The following ZNRF2 variants were observed in gnomAD, a reference collection of about 807,000 sequenced individuals.
ZNRF2 encodes zinc and ring finger 2, also known as E3 ubiquitin-protein ligase ZNRF2.
In ZNRF2, 16 loss-of-function variants were observed where a neutral mutation model predicts 20.4. That is an observed-to-expected ratio of 0.79 (90% CI 0.53 to 1.19). The LOEUF (loss-of-function observed/expected upper bound fraction) is 1.19, where lower values mean the gene tolerates loss of function less well. ZNRF2 is among the 50% of genes most tolerant of loss of function. The probability of loss-of-function intolerance (pLI) is 0.00; values close to 1 mark genes in which losing one functional copy is unlikely to be tolerated. For synonymous variants in ZNRF2, 178 were observed against 144.9 expected, an observed-to-expected ratio of 1.23 and a Z score of -1.64; for missense variants, 363 against 332.4, an observed-to-expected ratio of 1.09 and a Z score of -0.72.
intron 1 of ZNRF2, among the ~76,000 whole-genome samples, chr7:30,292,476 G>A (rs1403055157): frequency 1.3e-5 from 2 of 152,080 alleles, no homozygotes; most frequent in African/African-American, 4.8e-5. Flanking sequence ...GCTTTTAGGG[G>A]CCTTATTATT....
intron 3 of ZNRF2, among the ~76,000 whole-genome samples, chr7:30,357,779 C>T (rs1036797576): frequency 6.6e-6 from 1 of 152,040 alleles, no homozygotes; most frequent in African/African-American, 2.4e-5. Context: ...CCAAAGAACA[C>T]CATGCTAACA....
rs535112079 is a variant in ZNRF2 at position 30,336,532 on chromosome 7, T to C, written c.565+12795T>C. ...GAAAGTATTAATAATGAAAGTATTGTAGGCATAGAGATGTTTTTCTTATAG... is the reference window on the plus strand; with the variant it reads ...GAAAGTATTAATAATGAAAGTATTGCAGGCATAGAGATGTTTTTCTTATAG... On this transcript the variant is annotated intron_variant, in intron 2 of 4. Coordinates refer to ENST00000323037, the MANE Select transcript of ZNRF2 (RefSeq NM_147128.4). 2.0e-5 allele frequency among the ~76,000 whole-genome samples: 3 copies of C among 152,322 alleles called. No individual in the cohort carries two copies. The East Asian group carries it at 5.8e-4, about 29-fold the overall frequency.
chr7:30,295,223 C>T (rs1798999765), intron 1 of ZNRF2, among the ~76,000 whole-genome samples: 1 of 152,042 alleles, frequency 6.6e-6, no homozygotes, highest in Non-Finnish European at 1.5e-5. Context: ...CTTTCTCTAC[C>T]TCCAGCAGAA....
intron 2 of ZNRF2, among the ~76,000 whole-genome samples, chr7:30,355,443 T>C (rs1048040952): frequency 2.0e-5 from 3 of 152,202 alleles, no homozygotes; most frequent in South Asian, 2.1e-4. Context: ...GATAAAGTTA[T>C]AGAGCAAAAT....
intron 3 of ZNRF2, among the ~76,000 whole-genome samples, chr7:30,361,064 CAG>C (rs1800118874): frequency 6.6e-6 from 1 of 152,154 alleles, no homozygotes; most frequent in African/African-American, 2.4e-5. Context: ...CATGATGAGC[CAG>C]AGTTACCTGG....
At chr7:30,315,018 A>G (rs921146733) in intron 1 of ZNRF2, among the ~76,000 whole-genome samples, 7 of 151,974 alleles carry the variant, frequency 4.6e-5, no homozygotes, top group Admixed American at 4.6e-4. Context: ...GGGTTTCACC[A>G]TGTTAGCCAG....
At chr7:30,315,748 T>C (rs1281852426) in intron 1 of ZNRF2, among the ~76,000 whole-genome samples, 1 of 122,282 alleles carries the variant, frequency 8.2e-6, no homozygotes, top group Admixed American at 9.1e-5. Flanking sequence ...GGGTTGGGTA[T>C]AAAGACGCCT....
chr7:30,322,658 C>G (rs907226990), intron 1 of ZNRF2, among the ~76,000 whole-genome samples: 14 of 145,080 alleles, frequency 9.6e-5, no homozygotes, highest in Non-Finnish European at 7.7e-5. Context: ...GTTTCTTAAT[C>G]ATATTTCCAA....
intron 2 of ZNRF2, among the ~76,000 whole-genome samples, chr7:30,335,650 C>A (rs1282801545): frequency 6.6e-6 from 1 of 151,716 alleles, no homozygotes; most frequent in Non-Finnish European, 1.5e-5. Context: ...GAAAGGGAGG[C>A]CACGTTTAGA....
rs2128052738 is a variant in ZNRF2, at chr7:30,285,042, C to CT, written c.-316_-315insT. On this transcript the variant is annotated 5_prime_UTR_variant, in exon 1 of 5. An upstream open reading frame in the 5' UTR gains an earlier in-frame stop. Coordinates refer to ENST00000323037, the MANE Select transcript of ZNRF2 (RefSeq NM_147128.4). ...CGTCGTGGCGCACCAGAACCGAAAC[C>CT]AGCGGCAGCCGCACGGCCACTTGAG... is the stretch of plus-strand genomic sequence containing the variant. 1 of 406,636 alleles carries CT rather than the reference C, an allele frequency of 2.5e-6. No homozygotes were observed. Among genetic ancestry groups the CT allele is most frequent in the African/African-American group, 2.2e-5 (1 of 45,806 alleles). 25.2% of individuals were successfully genotyped at this position (406,636 alleles called of 1,614,324 possible).
At chr7:30,327,533 A>T (rs1466124677) in intron 2 of ZNRF2, among the ~76,000 whole-genome samples, 1 of 152,156 alleles carries the variant, frequency 6.6e-6, no homozygotes, top group South Asian at 2.1e-4. Context: ...GAACTAATAT[A>T]TAACCTTCTG....
At chr7:30,310,557 A>C (rs1285880000) in intron 1 of ZNRF2, among the ~76,000 whole-genome samples, 1 of 152,184 alleles carries the variant, frequency 6.6e-6, no homozygotes, top group African/African-American at 2.4e-5. Flanking sequence ...GTGGGCACTG[A>C]AATTTGAATT....
At chr7:30,309,873 T>C (rs79359942) in intron 1 of ZNRF2, among the ~76,000 whole-genome samples, 5,247 of 152,278 alleles carry the variant, frequency 0.034, 145 homozygotes, top group Middle Eastern at 0.065. Context: ...GTATGGAAGA[T>C]AAATGAGGCT....
At position 30,366,005 on chromosome 7, in the gene ZNRF2, A is replaced by G. The variant is rs560031279; in HGVS notation, c.*23-30A>G. On this transcript the variant is annotated intron_variant, in intron 4 of 4. Coordinates refer to ENST00000323037, the MANE Select transcript of ZNRF2 (RefSeq NM_147128.4). ...ATGAAGACTTACAGTAACTAAAGCA[A>G]TGTTCATGGGGAAATCTATTTTTAC... The G allele has an allele frequency of 5.9e-5, 9 of 152,310 alleles. No individual in the cohort carries two copies. The South Asian group carries it at 8.3e-4, about 14-fold the overall frequency. 9.4% of individuals were successfully genotyped at this position (152,310 alleles called of 1,614,324 possible). A position where few individuals can be genotyped will look rare whatever the true frequency, so the allele number is the denominator to read the frequency against.
At chr7:30,356,699 ATTTTTTTTTTT>A (rs139265962) in intron 3 of ZNRF2, among the ~76,000 whole-genome samples, 12 of 73,228 alleles carry the variant, frequency 1.6e-4, no homozygotes, top group Non-Finnish European at 2.4e-4. Context: ...ATAACATTGT[ATTTTTTTTTTT>A]TTTTTTTTTT....
chr7:30,331,663 A>G (rs1011438441), intron 2 of ZNRF2, among the ~76,000 whole-genome samples: 3 of 152,202 alleles, frequency 2.0e-5, no homozygotes, highest in African/African-American at 7.2e-5. Context: ...GGAGAACCTT[A>G]TAGAATTGCT....
intron 1 of ZNRF2, among the ~76,000 whole-genome samples, chr7:30,303,352 C>A (rs575301702): frequency 6.6e-6 from 1 of 152,096 alleles, no homozygotes; most frequent in Non-Finnish European, 1.5e-5. Context: ...AATTTGACCC[C>A]TTTTTAAAAT....
intron 1 of ZNRF2, among the ~76,000 whole-genome samples, chr7:30,312,570 G>C (rs1357805681): frequency 6.6e-6 from 1 of 152,064 alleles, no homozygotes; most frequent in Admixed American, 6.6e-5. Context: ...GGATATATTT[G>C]TTCATTCACC....
intron 2 of ZNRF2, among the ~76,000 whole-genome samples, chr7:30,330,314 A>G (rs1404971372): frequency 6.6e-6 from 1 of 151,988 alleles, no homozygotes; most frequent in African/African-American, 2.4e-5. Context: ...AAGAAGAACA[A>G]CTCTATGGAC....
Sources: gnomAD v4.1 joint callset for allele counts (sites outside exome capture counted in the v4.1 genomes callset) on GRCh38, gnomAD v4.1.1 for gene constraint, MANE v1.5 for transcripts, NCBI Gene and HGNC (gene_info 2026-07-23, HGNC 2026-07-21) for gene names.